ARHGAP26: variants seen among roughly 807,000 people sequenced by gnomAD.
ARHGAP26 encodes the protein Rho GTPase activating protein 26.
In ARHGAP26, 38 loss-of-function variants were observed where a neutral mutation model predicts 104.8. The ratio of observed to expected loss-of-function variants is 0.36; its 90% CI spans 0.28 to 0.48. The LOEUF (loss-of-function observed/expected upper bound fraction) is 0.48. Among genes scored for constraint, ARHGAP26 ranks in the 20% least tolerant of loss-of-function variants. ARHGAP26 has a pLI of 0.99. For synonymous variants in ARHGAP26, 341 were observed against 340.0 expected (o/e 1.00, Z -0.03); for missense variants, 704 against 947.9 (o/e 0.74, Z 3.38).
intron 1 of ARHGAP26, among the ~76,000 whole-genome samples, chr5:142,810,991 C>T (rs1763965725): frequency 6.6e-6 from 1 of 152,300 alleles, no homozygotes; most frequent in South Asian, 2.1e-4. Flanking sequence ...TACCCGCTTC[C>T]AGTCCTTTCC....
chr5:142,987,855 C>T (rs1203996832), intron 11 of ARHGAP26, among the ~76,000 whole-genome samples: 7 of 152,254 alleles, frequency 4.6e-5, no homozygotes, highest in East Asian at 3.9e-4. Context: ...CCCACTTGAT[C>T]GTGGTAGATA....
chr5:142,800,086 T>G (rs1184314270), intron 1 of ARHGAP26, among the ~76,000 whole-genome samples: 2 of 152,240 alleles, frequency 1.3e-5, no homozygotes, highest in Admixed American at 1.3e-4. Flanking sequence ...AGAGCCATAC[T>G]TCCCATTGTC....
intron 18 of ARHGAP26, among the ~76,000 whole-genome samples, chr5:143,126,794 C>G (rs1796777304): frequency 6.6e-6 from 1 of 152,170 alleles, no homozygotes; most frequent in African/African-American, 2.4e-5. Context: ...GTTGAAAGCT[C>G]AGATGGCAAA....
intron 17 of ARHGAP26, among the ~76,000 whole-genome samples, chr5:143,087,013 T>C (rs1790689745): frequency 6.6e-6 from 1 of 152,242 alleles, no homozygotes; most frequent in Non-Finnish European, 1.5e-5. Flanking sequence ...CTAGATCATG[T>C]TCCAAAAAGA....
intron 20 of ARHGAP26, among the ~76,000 whole-genome samples, chr5:143,160,932 A>G (rs1801152043): frequency 6.6e-6 from 1 of 151,750 alleles, no homozygotes. Flanking sequence ...GAAATCACAT[A>G]TGGAGTTAAC....
At position 143,012,537 on chromosome 5, in the gene ARHGAP26, T is replaced by TTATATATATACATACA. The variant is rs752338630; in HGVS notation, c.1108-1537_1108-1536insTATACATACATATATA. Among the ~76,000 whole-genome samples the TTATATATATACATACA allele has an allele frequency of 4.5e-4, 8 of 17,660 alleles. 1 individual carries two copies. Among genetic ancestry groups the TTATATATATACATACA allele is most frequent in the African/African-American group, 1.4e-3 (8 of 5,622 alleles). 11.6% of individuals were successfully genotyped at this position (17,660 alleles called of 152,430 possible). A position where few individuals can be genotyped will look rare whatever the true frequency, so the allele number is the denominator to read the frequency against. On this transcript the variant is annotated intron_variant, in intron 11 of 22. Transcript: ENST00000645722. ...CATTAGAGTCACTGGAGGGATATAT[T>TTATATATATACATACA]TATATACATACATACATATATATAT... is the stretch of plus-strand genomic sequence containing the variant.
chr5:143,168,294 ATGT>A (rs369527516), intron 20 of ARHGAP26, among the ~76,000 whole-genome samples: 84 of 152,188 alleles, frequency 5.5e-4, no homozygotes, highest in African/African-American at 2.0e-3. Context: ...AAGCCTAGTA[ATGT>A]TGTCTTCCCA....
chr5:142,888,252 G>C (rs190000779), intron 5 of ARHGAP26, among the ~76,000 whole-genome samples: 5 of 152,358 alleles, frequency 3.3e-5, no homozygotes, highest in African/African-American at 9.6e-5. Flanking sequence ...TGGCTGTGCA[G>C]CCCTTTCCCT....
intron 1 of ARHGAP26, among the ~76,000 whole-genome samples, chr5:142,812,240 G>A (rs1303294325): frequency 6.6e-6 from 1 of 152,112 alleles, no homozygotes; most frequent in Admixed American, 6.5e-5. Flanking sequence ...AGCATGGTTG[G>A]TCTAATACAG....
chr5:143,129,963 C>A (rs1053353059), intron 18 of ARHGAP26, among the ~76,000 whole-genome samples: 2 of 152,346 alleles, frequency 1.3e-5, no homozygotes, highest in African/African-American at 4.8e-5. Context: ...TTGAACCCTA[C>A]TCTGTCTAGC....
intron 1 of ARHGAP26, among the ~76,000 whole-genome samples, chr5:142,848,438 A>G (rs192979096): frequency 2.4e-4 from 37 of 152,250 alleles, no homozygotes; most frequent in South Asian, 2.1e-4. Flanking sequence ...TCCCAGTCCC[A>G]TTTTCCTCCT....
At chr5:143,042,093 T>C (rs1312276547) in intron 14 of ARHGAP26, among the ~76,000 whole-genome samples, 3 of 152,192 alleles carry the variant, frequency 2.0e-5, no homozygotes, top group African/African-American at 7.2e-5. Flanking sequence ...CTGGACAAAA[T>C]AAAAAATGCC....
At chr5:142,793,558 A>G (rs1247461385) in intron 1 of ARHGAP26, among the ~76,000 whole-genome samples, 1 of 151,798 alleles carries the variant, frequency 6.6e-6, no homozygotes, top group Non-Finnish European at 1.5e-5. Context: ...AGTTATCACC[A>G]TTCTCTCAGT....
intron 12 of ARHGAP26, among the ~76,000 whole-genome samples, chr5:143,035,575 A>G (rs1291185971): frequency 1.3e-5 from 2 of 152,146 alleles, no homozygotes; most frequent in Non-Finnish European, 2.9e-5. Flanking sequence ...AAAGCCTACA[A>G]ATAGGGTGCT....
At position 143,133,975 on chromosome 5, in the gene ARHGAP26, C is replaced by T. The variant is rs778477834; in HGVS notation, c.1707C>T (p.Asn569=). The T allele has an allele frequency of 9.9e-6, 16 of 1,609,938 alleles. No homozygotes were observed. Among genetic ancestry groups the T allele is most frequent in the Non-Finnish European group, 1.3e-5 (15 of 1,177,730 alleles). The change falls in exon 19 of 23, where the codon AAC becomes AAT. Residue 569 remains asparagine, a synonymous_variant. Coordinates refer to ENST00000645722, the MANE Select transcript of ARHGAP26 (RefSeq NM_001135608.3). ...TGAAACTTCGTTTGCAGATATTTAA[C>T]ACCGTGCCCGATATGCCTCTCACCA... is the stretch of plus-strand genomic sequence containing the variant. The part of the protein sequence containing the change: ...ILIENHEKIF[N]TVPDMPLTNA...
intron 1 of ARHGAP26, among the ~76,000 whole-genome samples, chr5:142,851,114 CT>C (rs1367575362): frequency 7.1e-6 from 1 of 141,704 alleles, no homozygotes; most frequent in Non-Finnish European, 1.5e-5. Context: ...TTTTTTTTTC[CT>C]GAGACAGAGT....
chr5:143,186,839 A>T (rs1190198192), intron 20 of ARHGAP26, among the ~76,000 whole-genome samples: 1 of 152,194 alleles, frequency 6.6e-6, no homozygotes, highest in African/African-American at 2.4e-5. Context: ...AGAACCTGAG[A>T]TGTAGTACTT....
At chr5:142,803,810 T>C (rs765430574) in intron 1 of ARHGAP26, among the ~76,000 whole-genome samples, 23 of 152,172 alleles carry the variant, frequency 1.5e-4, no homozygotes, top group Non-Finnish European at 2.9e-4. Context: ...CCATTCTGCA[T>C]GCCAAGGGAA....
intron 11 of ARHGAP26, among the ~76,000 whole-genome samples, chr5:142,995,692 A>G (rs771750981): frequency 9.9e-5 from 15 of 152,228 alleles, no homozygotes; most frequent in Non-Finnish European, 2.1e-4. Flanking sequence ...AAATCATTCT[A>G]CTATAAAGAC....
Sources: gnomAD v4.1 joint callset for allele counts (sites outside exome capture counted in the v4.1 genomes callset) on GRCh38, gnomAD v4.1.1 for gene constraint, MANE v1.5 for transcripts, NCBI Gene and HGNC (gene_info 2026-07-23, HGNC 2026-07-21) for gene names.